Variants in GABBR1 observed in about 807,000 individuals in gnomAD.
The protein encoded by GABBR1 is GABA-B receptor, R1 subunit.
A neutral mutation model predicts 117.7 loss-of-function variants in GABBR1; 35 were observed. The observed-to-expected ratio is 0.30, with a 90% CI of 0.23 to 0.39. GABBR1 has a LOEUF of 0.39. Among genes scored for constraint, GABBR1 ranks in the 10% least tolerant of loss-of-function variants. The pLI is 1.00. For missense variants in GABBR1, 709 were observed against 1,241.8 expected (o/e 0.57, Z 6.45); for synonymous variants, 442 against 486.6 (o/e 0.91, Z 1.21).
chr6:29,632,396 G>C lies in GABBR1; in HGVS notation c.1-11C>G. The C allele has an allele frequency of 9.0e-6, 12 of 1,337,782 alleles. No homozygotes were observed. Among genetic ancestry groups the C allele is most frequent in the Non-Finnish European group, 1.2e-5 (12 of 1,038,526 alleles). The allele number at this position is 1,337,782 out of a possible 1,614,324, so 82.9% of individuals were successfully genotyped here. A position where few individuals can be genotyped will look rare whatever the true frequency, so the allele number is the denominator to read the frequency against. The stretch of plus-strand genomic sequence containing the variant: ...CAGCAGCAGCAACATCTAAGTGAGA[G>C]GCGGCCATGAGGACTGGACCGAGCC... On this transcript the variant is annotated splice_polypyrimidine_tract_variant and intron_variant, in intron 1 of 22. Transcript: ENST00000377034. The surrounding 1 kb of genome is among the most constrained non-coding windows in gnomAD (Gnocchi z 5.8).
chr6:29,607,398 C>G lies in GABBR1; in HGVS notation c.1993-180G>C, dbSNP rs942759525. ...AGCGGCAGGAGGAGAGCAGTCTCCC[C>G]ACCTTGAACAATTCCTCCCATCCAC... is the stretch of plus-strand genomic sequence containing the variant. On this transcript the variant is annotated intron_variant, in intron 16 of 22. Coordinates refer to ENST00000377034, the MANE Select transcript of GABBR1 (RefSeq NM_001470.4). The surrounding 1 kb of genome is among the most constrained non-coding windows in gnomAD (Gnocchi z 5.0). Among the ~76,000 whole-genome samples, 3 of 152,128 alleles carry G rather than the reference C, an allele frequency of 2.0e-5. No individual in the cohort carries two copies. The highest frequency in any genetic ancestry group is 7.2e-5 in the African/African-American group (3 of 41,408).
In GABBR1 at chr6:29,621,851, G is replaced by A. The variant is rs1226172388; in HGVS notation, c.1066-34C>T. 1 of 1,604,418 alleles carries A rather than the reference G, an allele frequency of 6.2e-7. No individual in the cohort carries two copies. Among genetic ancestry groups the A allele is most frequent in the Admixed American group, 1.7e-5 (1 of 59,948 alleles). ...GAGAAAGAAACAGCTCCTGAGGGATGCCCGGGAATGCCTGAGGGGCTAAGC... is the reference window on the plus strand; with the variant it reads ...GAGAAAGAAACAGCTCCTGAGGGATACCCGGGAATGCCTGAGGGGCTAAGC... On this transcript the variant is annotated intron_variant, in intron 9 of 22. Coordinates refer to ENST00000377034, the MANE Select transcript of GABBR1 (RefSeq NM_001470.4). This position sits in a 1 kb window ranked among gnomAD's most constrained non-coding sequence, Gnocchi z 5.0.
At position 29,603,614 on chromosome 6, in the gene GABBR1, G is replaced by C; in HGVS notation, c.2815C>G (p.Pro939Ala). 1 of 1,570,680 alleles carries C rather than the reference G, an allele frequency of 6.4e-7. No homozygotes were observed. The highest frequency in any genetic ancestry group is 8.6e-7 in the Non-Finnish European group (1 of 1,162,892). Residue 939 changes from proline to alanine, a missense_variant, in exon 23 of 23, where the codon CCC (proline) becomes GCC (alanine). Coordinates refer to ENST00000377034, the MANE Select transcript of GABBR1 (RefSeq NM_001470.4). ...TCGGGGGGCTCAGGGGGTCCCCTGG[G>C]CAGGCCCCCAGAGGGTTCTGGGGGT... ...PTPPEPSGGL[P>A]RGPPEPPDRL...
At chr6:29,603,866 A>G in intron 22 of GABBR1, 150 bp from the exon 23 acceptor site, 3 of 481,228 alleles carry the variant, frequency 6.2e-6, no homozygotes. Flanking sequence ...AGAATAAATT[A>G]AAAGGAGAAA....
chr6:29,604,811 T>C lies in GABBR1; in HGVS notation c.2568+49A>G. 1.3e-6 allele frequency: 2 copies of C among 1,596,842 alleles called. No homozygotes were observed. Among genetic ancestry groups the C allele is most frequent in the African/African-American group, 1.3e-5 (1 of 74,532 alleles). ...AACTCAGTAATATAGGAAGGAGGGA[T>C]GGAGGGAACATGGGAACAAAGAGGG... is the stretch of plus-strand genomic sequence containing the variant. On this transcript the variant is annotated intron_variant, in intron 21 of 22. Coordinates refer to ENST00000377034, the MANE Select transcript of GABBR1 (RefSeq NM_001470.4). This position sits in a 1 kb window ranked among gnomAD's most constrained non-coding sequence, Gnocchi z 5.3.
chr6:29,603,200 C>T lies in GABBR1; in HGVS notation c.*343G>A, dbSNP rs769289439. 5 of 512,864 alleles carry T rather than the reference C, an allele frequency of 9.7e-6. No homozygotes were observed. Among genetic ancestry groups the T allele is most frequent in the South Asian group, 1.5e-5 (1 of 65,086 alleles). The allele number at this position is 512,864 out of a possible 1,614,324, so 31.8% of individuals were successfully genotyped here. ...AAGGCAGAGGAGCTGCAGGGGTTGCCGTGGTAACTAGAAGAGGGTGTTGCA... is the reference window on the plus strand; with the variant it reads ...AAGGCAGAGGAGCTGCAGGGGTTGCTGTGGTAACTAGAAGAGGGTGTTGCA... On this transcript the variant is annotated 3_prime_UTR_variant, in exon 23 of 23. Transcript: ENST00000377034.
At chr6:29,610,607 C>T (rs1166461064) in intron 14 of GABBR1, among the ~76,000 whole-genome samples, 4 of 152,072 alleles carry the variant, frequency 2.6e-5, no homozygotes, top group Non-Finnish European at 5.9e-5. Flanking sequence ...TATCAAGACA[C>T]CAGGACATCT....
rs1761628317 is a variant in GABBR1, at chr6:29,603,603, G to C, written c.2826C>G (p.Pro942=). 1 of 1,583,440 alleles carries C rather than the reference G, an allele frequency of 6.3e-7. No homozygotes were observed. The highest frequency in any genetic ancestry group is 1.4e-5 in the African/African-American group (1 of 73,714). Residue 942 remains proline, a synonymous_variant, in exon 23 of 23, where the codon CCC becomes CCG. Coordinates refer to ENST00000377034, the MANE Select transcript of GABBR1 (RefSeq NM_001470.4). ...PEPSGGLPRG[P]PEPPDRLSCD... is the part of the protein sequence containing the mutation. ...AGCTAAGCCGGTCGGGGGGCTCAGG[G>C]GGTCCCCTGGGCAGGCCCCCAGAGG...
At position 29,606,914 on chromosome 6, in the gene GABBR1, G is replaced by C. The variant is rs1762016377; in HGVS notation, c.2200C>G (p.Leu734Val). 6.2e-7 allele frequency: 1 copy of C among 1,614,020 alleles called. No homozygotes were observed. Among genetic ancestry groups the C allele is most frequent in the Admixed American group, 1.7e-5 (1 of 60,012 alleles). Residue 734 changes from leucine to valine, a missense_variant, in exon 18 of 23, where the codon CTG (leucine) becomes GTG (valine). By Grantham distance (32) the Leu-to-Val change is conservative. Around this residue, in one of 9 missense-constraint regions of GABBR1, gnomAD observed 251 missense variants for 445.3 expected, o/e 0.56. Transcript: ENST00000377034. This position sits in a 1 kb window ranked among gnomAD's most constrained non-coding sequence, Gnocchi z 4.5. Reference protein sequence around the residue: ...TLAIWQIVDPLHRTIETFAKE... With the variant: ...TLAIWQIVDPVHRTIETFAKE... ...AGTGGTACCTCAATGGTCCGGTGCAGAGGGTCCACGATCTGCCAGATGGCG... is the reference window on the plus strand; with the variant it reads ...AGTGGTACCTCAATGGTCCGGTGCACAGGGTCCACGATCTGCCAGATGGCG...
Position 29,608,623 on chromosome 6 carries a change from T to C in GABBR1, c.1970A>G (p.Asn657Ser). The change falls in exon 16 of 23, where the codon AAC (asparagine) becomes AGC (serine). Residue 657 changes from asparagine to serine, a missense_variant. Asn to Ser is a conservative substitution (Grantham distance 46, BLOSUM62 1). Transcript: ENST00000377034. ...LGLDGYHIGR[N>S]QFPFVCQARL... is the part of the protein sequence containing the mutation. ...CACCTGGCAGACGAAAGGAAACTGGTTCCTCCCAATGTGGTAACCATCGAG... is the reference window on the plus strand; with the variant it reads ...CACCTGGCAGACGAAAGGAAACTGGCTCCTCCCAATGTGGTAACCATCGAG... The C allele has an allele frequency of 5.6e-6, 9 of 1,612,938 alleles. No homozygotes were observed. Among genetic ancestry groups the C allele is most frequent in the Non-Finnish European group, 7.6e-6 (9 of 1,179,946 alleles).
Position 29,627,889 on chromosome 6 carries a change from C to T in GABBR1, c.497-243G>A. On this transcript the variant is annotated intron_variant, in intron 5 of 22. Transcript: ENST00000377034. This position sits in a 1 kb window ranked among gnomAD's most constrained non-coding sequence, Gnocchi z 4.4. ...CTAAGAGGGTGCCGGGGAGGCGCCT[C>T]CATCCCTGATTTTGTGGGGAGGAGG... 16 of 1,360,260 alleles carry T rather than the reference C, an allele frequency of 1.2e-5. No individual in the cohort carries two copies. Among genetic ancestry groups the T allele is most frequent in the Non-Finnish European group, 1.5e-5 (16 of 1,064,910 alleles). The allele number at this position is 1,360,260 out of a possible 1,614,324, so 84.3% of individuals were successfully genotyped here.
At chr6:29,625,605 C>T (rs1455686038) in intron 6 of GABBR1, among the ~76,000 whole-genome samples, 1 of 152,082 alleles carries the variant, frequency 6.6e-6, no homozygotes, top group Non-Finnish European at 1.5e-5. Context: ...GGCAGGAAAC[C>T]GACTCATTCC....
At chr6:29,628,034 A>G in intron 5 of GABBR1, 1 of 1,122,006 alleles carries the variant, frequency 8.9e-7, no homozygotes, top group Non-Finnish European at 1.1e-6. Context: ...GGGGAGGAGG[A>G]GGAGCAGGAG....
rs1053370351 is a variant in GABBR1 at position 29,622,586 on chromosome 6, G to A, written c.964-381C>T. The A allele has an allele frequency of 2.8e-4, 68 of 239,438 alleles. No homozygotes were observed. Among genetic ancestry groups the A allele is most frequent in the African/African-American group, 1.4e-3 (63 of 45,244 alleles). 14.8% of individuals were successfully genotyped at this position (239,438 alleles called of 1,614,324 possible). On this transcript the variant is annotated intron_variant, in intron 8 of 22. Coordinates refer to ENST00000377034, the MANE Select transcript of GABBR1 (RefSeq NM_001470.4). The surrounding 1 kb of genome is among the most constrained non-coding windows in gnomAD (Gnocchi z 4.6). ...AGAGGCAAATGGGCAGACAGACAAA[G>A]GATCAGAGAAGAATGGTCTGAATCA... is the stretch of plus-strand genomic sequence containing the variant.
chr6:29,609,103 A>T lies in GABBR1; in HGVS notation c.1859+126T>A. ...GGTTTCCCTGTTTTCATTCTCAACA[A>T]GTCAGAATGAAAAACTCCATGATAC... On this transcript the variant is annotated intron_variant, in intron 15 of 22. Coordinates refer to ENST00000377034, the MANE Select transcript of GABBR1 (RefSeq NM_001470.4). This position sits in a 1 kb window ranked among gnomAD's most constrained non-coding sequence, Gnocchi z 4.3. The T allele has an allele frequency of 3.3e-6, 3 of 912,038 alleles. No homozygotes were observed. Among genetic ancestry groups the T allele is most frequent in the Non-Finnish European group, 5.0e-6 (3 of 602,150 alleles). The allele number at this position is 912,038 out of a possible 1,614,324, so 56.5% of individuals were successfully genotyped here. A position where few individuals can be genotyped will look rare whatever the true frequency, so the allele number is the denominator to read the frequency against.
In GABBR1 at chr6:29,602,529, G is replaced by T. The variant is rs747519447; in HGVS notation, c.*1014C>A. On this transcript the variant is annotated 3_prime_UTR_variant, in exon 23 of 23. Transcript: ENST00000377034. ...GTAGTACATGAATGCAATGGAGATG[G>T]GGGGAATCTGAGCAGAAATGGAGAT... The T allele has an allele frequency of 7.0e-5, 12 of 170,628 alleles. No homozygotes were observed. Among genetic ancestry groups the T allele is most frequent in the Non-Finnish European group, 1.3e-4 (10 of 77,760 alleles). 10.6% of individuals were successfully genotyped at this position (170,628 alleles called of 1,614,324 possible).
Position 29,630,640 on chromosome 6 carries a change from C to T in GABBR1, c.293G>A (p.Arg98Gln), listed in dbSNP as rs1387326602. The change falls in exon 4 of 23, where the codon CGA (arginine) becomes CAA (glutamine). Residue 98 changes from arginine to glutamine, a missense_variant. Transcript: ENST00000377034. This position sits in a 1 kb window ranked among gnomAD's most constrained non-coding sequence, Gnocchi z 4.9. Reference sequence around the variant, plus strand: ...GGTCAAATAAGACTTGGAGCAGATTCGGACTGTGGAGAGATAGGAAAATAA... The same window carrying T: ...GGTCAAATAAGACTTGGAGCAGATTTGGACTGTGGAGAGATAGGAAAATAA... Reference protein sequence around the residue: ...TDMDTPSRCVRICSKSYLTLE... With the variant: ...TDMDTPSRCVQICSKSYLTLE... 6 of 1,609,334 alleles carry T rather than the reference C, an allele frequency of 3.7e-6. No homozygotes were observed. The East Asian group carries it at 8.9e-5, about 24-fold the overall frequency.
chr6:29,611,283 C>T lies in GABBR1; in HGVS notation c.1631-282G>A. The T allele has an allele frequency of 2.8e-6, 1 of 361,518 alleles. No homozygotes were observed. Among genetic ancestry groups the T allele is most frequent in the East Asian group, 4.2e-5 (1 of 23,882 alleles). The allele number at this position is 361,518 out of a possible 1,614,324, so 22.4% of individuals were successfully genotyped here. A position where few individuals can be genotyped will look rare whatever the true frequency, so the allele number is the denominator to read the frequency against. ...CAACATGTCTGCCACCTATTCCATT[C>T]CTCACACCTCTCTCGGCGAGATGTC... On this transcript the variant is annotated intron_variant, in intron 13 of 22. Transcript: ENST00000377034. The surrounding 1 kb of genome is among the most constrained non-coding windows in gnomAD (Gnocchi z 4.6).
Position 29,623,516 on chromosome 6 carries a change from T to C in GABBR1, c.793-41A>G, listed in dbSNP as rs1763969241. On this transcript the variant is annotated intron_variant, in intron 7 of 22. Coordinates refer to ENST00000377034, the MANE Select transcript of GABBR1 (RefSeq NM_001470.4). This position sits in a 1 kb window ranked among gnomAD's most constrained non-coding sequence, Gnocchi z 6.2. ...AGTGAGTGCAACAGGGTCTGTTCAC[T>C]GAGGACACCAAGAGTGGCCAAGAGT... The C allele has an allele frequency of 1.3e-6, 2 of 1,598,680 alleles. No homozygotes were observed. The highest frequency in any genetic ancestry group is 8.6e-7 in the Non-Finnish European group (1 of 1,169,512).
Sources: gnomAD v4.1 joint callset for allele counts (sites outside exome capture counted in the v4.1 genomes callset) on GRCh38, gnomAD v4.1.1 for gene constraint, gnomAD v4.1.1 regional missense constraint, Gnocchi (gnomAD v3.1) non-coding constraint, MANE v1.5 for transcripts, NCBI Gene and HGNC (gene_info 2026-07-23, HGNC 2026-07-21) for gene names.